CDH18: variants seen among roughly 807,000 people sequenced by gnomAD.
The protein encoded by CDH18 is cadherin 18.
A neutral mutation model predicts 67.9 loss-of-function variants in CDH18; 31 were observed. That is an observed-to-expected ratio of 0.46 (90% CI 0.34 to 0.62). The LOEUF is 0.62. Among genes scored for constraint, CDH18 ranks in the 20% least tolerant of loss-of-function variants. The probability of loss-of-function intolerance (pLI) is 0.01; values close to 1 mark genes in which losing one functional copy is unlikely to be tolerated. For synonymous variants in CDH18, 362 were observed against 347.2 expected (o/e 1.04, Z -0.48); for missense variants, 890 against 975.5 (o/e 0.91, Z 1.17).
intron 1 of CDH18, among the ~76,000 whole-genome samples, chr5:20,483,743 T>C (rs979116944): frequency 6.7e-6 from 1 of 149,924 alleles, no homozygotes; most frequent in African/African-American, 2.4e-5. Flanking sequence ...AAAATGAAAA[T>C]AGATTTCCAT....
chr5:20,147,725 T>C (rs531921595), intron 2 of CDH18, among the ~76,000 whole-genome samples: 1 of 152,284 alleles, frequency 6.6e-6, no homozygotes, highest in South Asian at 2.1e-4. Context: ...TTTAGAACTT[T>C]CCTTTTCTGT....
At position 19,960,593 on chromosome 5, in the gene CDH18, A is replaced by ATATATATATACACACACGTG. The variant is rs1561635571; in HGVS notation, c.-257+20447_-257+20466dup. ...TGTGTGTGTGTGTGTGTGTGTGTATATATATATATACACACACGTGTATAT... is the reference window on the plus strand; with the variant it reads ...TGTGTGTGTGTGTGTGTGTGTGTATATATATATATACACACACGTGTATATATATACACACACGTGTATAT... On this transcript the variant is annotated intron_variant, in intron 2 of 12. Transcript: ENST00000382275. Among the ~76,000 whole-genome samples, 10 of 130,708 alleles carry ATATATATATACACACACGTG rather than the reference A, an allele frequency of 7.7e-5. No homozygotes were observed. The East Asian group carries it at 1.5e-3, about 20-fold the overall frequency. The allele number at this position is 130,708 out of a possible 152,430, so 85.7% of individuals were successfully genotyped here.
At chr5:20,162,709 A>G (rs891296027) in intron 2 of CDH18, among the ~76,000 whole-genome samples, 6 of 150,158 alleles carry the variant, frequency 4.0e-5, no homozygotes, top group Admixed American at 1.3e-4. Flanking sequence ...ATATACATAC[A>G]TATATATATG....
chr5:19,786,722 T>G (rs1384167752), intron 3 of CDH18, among the ~76,000 whole-genome samples: 1 of 152,176 alleles, frequency 6.6e-6, no homozygotes, highest in African/African-American at 2.4e-5. Flanking sequence ...CATTTTACAT[T>G]GGACACAGTA....
chr5:20,272,879 CTT>C lies in CDH18; in HGVS notation c.-579-17376_-579-17375del, dbSNP rs1307605542. Among the ~76,000 whole-genome samples the C allele has an allele frequency of 5.3e-5, 8 of 152,154 alleles. No homozygotes were observed. In the East Asian group the frequency reaches 1.5e-3, roughly 29 times the overall value. On this transcript the variant is annotated intron_variant, in intron 1 of 14. Transcript: ENST00000507958. The stretch of plus-strand genomic sequence containing the variant: ...ATTATTCTCCATCAAAGGGTAAACA[CTT>C]TTCTCCATACTCCCTAATGTGAAAG...
At chr5:19,533,837 T>G (rs1225094775) in intron 9 of CDH18, among the ~76,000 whole-genome samples, 1 of 152,150 alleles carries the variant, frequency 6.6e-6, no homozygotes, top group Non-Finnish European at 1.5e-5. Flanking sequence ...GCTCTTATTT[T>G]ATAAGTTTTT....
At chr5:19,750,341 A>T (rs1386983597) in intron 3 of CDH18, among the ~76,000 whole-genome samples, 1 of 152,058 alleles carries the variant, frequency 6.6e-6, no homozygotes, top group African/African-American at 2.4e-5. Flanking sequence ...TTTGTCTTGA[A>T]TTTTTTAATA....
rs577892763 is a variant in CDH18 at position 20,297,230 on chromosome 5, C to T, written c.-579-41725G>A. Among the ~76,000 whole-genome samples, 3 of 152,258 alleles carry T rather than the reference C, an allele frequency of 2.0e-5. No homozygotes were observed. The South Asian group carries it at 6.2e-4, about 32-fold the overall frequency. ...TTCCCCTTTCTTTCTACTTTTCATG[C>T]ATGATTTTAAGCATTCTTCTGAATT... On this transcript the variant is annotated intron_variant, in intron 1 of 14. Coordinates refer to the CDH18 transcript ENST00000507958.
chr5:19,505,243 T>C (rs960752934), intron 10 of CDH18, among the ~76,000 whole-genome samples: 2 of 152,142 alleles, frequency 1.3e-5, no homozygotes, highest in Non-Finnish European at 2.9e-5. Flanking sequence ...TTTCTAGATA[T>C]ACAATTATGT....
chr5:20,384,503 T>C (rs946847769), intron 1 of CDH18, among the ~76,000 whole-genome samples: 3 of 152,232 alleles, frequency 2.0e-5, no homozygotes, highest in Non-Finnish European at 2.9e-5. Flanking sequence ...GATACTTAGG[T>C]TGATTTCATC....
At chr5:19,633,424 T>G (rs1370591155) in intron 5 of CDH18, among the ~76,000 whole-genome samples, 1 of 152,148 alleles carries the variant, frequency 6.6e-6, no homozygotes, top group African/African-American at 2.4e-5. Context: ...CAGAAAACAG[T>G]TCCCAAATGG....
At chr5:20,334,748 TCTCATACACACACACACA>T (rs1353270145) in intron 1 of CDH18, among the ~76,000 whole-genome samples, 4 of 117,486 alleles carry the variant, frequency 3.4e-5, no homozygotes, top group African/African-American at 1.6e-4. Context: ...TCTCTCTCTC[TCTCATACACACACACACA>T]CACACACACA....
At chr5:19,955,116 T>C (rs1255201776) in intron 2 of CDH18, among the ~76,000 whole-genome samples, 1 of 152,088 alleles carries the variant, frequency 6.6e-6, no homozygotes, top group East Asian at 1.9e-4. Context: ...GCTTGGCACT[T>C]CTCCTTCCTG....
chr5:19,938,797 C>A (rs1416265786), intron 2 of CDH18, among the ~76,000 whole-genome samples: 1 of 151,358 alleles, frequency 6.6e-6, no homozygotes, highest in African/African-American at 2.4e-5. Flanking sequence ...TTAAAAAAAT[C>A]ACTAGTAGTT....
chr5:19,986,677 G>T (rs975812779), intron 1 of CDH18, among the ~76,000 whole-genome samples: 1 of 152,100 alleles, frequency 6.6e-6, no homozygotes. Flanking sequence ...AGGCTTGAGG[G>T]CAACTGCAAT....
At chr5:20,379,391 T>A (rs1003379739) in intron 1 of CDH18, among the ~76,000 whole-genome samples, 1 of 152,162 alleles carries the variant, frequency 6.6e-6, no homozygotes, top group African/African-American at 2.4e-5. Context: ...CCAACTTCAG[T>A]TTCTCCTGAG....
chr5:19,769,386 T>C (rs1477655330), intron 3 of CDH18, among the ~76,000 whole-genome samples: 2 of 151,704 alleles, frequency 1.3e-5, no homozygotes, highest in Non-Finnish European at 2.9e-5. Flanking sequence ...TAGGAGGGAG[T>C]TGGATTATAT....
chr5:19,509,211 G>T (rs534256140), intron 10 of CDH18, among the ~76,000 whole-genome samples: 2 of 151,876 alleles, frequency 1.3e-5, no homozygotes, highest in Non-Finnish European at 2.9e-5. Context: ...AATACCACGC[G>T]TTCTCACTTA....
chr5:20,050,085 A>G (rs1741278205), intron 2 of CDH18, among the ~76,000 whole-genome samples: 2 of 151,666 alleles, frequency 1.3e-5, no homozygotes, highest in Admixed American at 1.3e-4. Flanking sequence ...AATAAAAAAA[A>G]GTGGTATGTG....
Sources: gnomAD v4.1 joint callset for allele counts (sites outside exome capture counted in the v4.1 genomes callset) on GRCh38, gnomAD v4.1.1 for gene constraint, MANE v1.5 for transcripts, NCBI Gene and HGNC (gene_info 2026-07-23, HGNC 2026-07-21) for gene names.